Variants in DTWD2 observed in about 807,000 individuals in gnomAD.
The protein encoded by DTWD2 is tRNA-uridine aminocarboxypropyltransferase 2.
In DTWD2, 39 loss-of-function variants were observed where a neutral mutation model predicts 31.8. The observed-to-expected ratio is 1.22, with a 90% CI of 0.95 to 1.60. DTWD2 has a LOEUF of 1.60. Ranked by LOEUF, DTWD2 falls within the 40% of genes most tolerant of loss-of-function variation. The pLI is 0.00. For synonymous variants in DTWD2, 180 were observed against 142.8 expected (o/e 1.26, Z -1.86); for missense variants, 515 against 381.5 (o/e 1.35, Z -2.92).
At chr5:118,889,081 G>A (rs1214704362) in intron 4 of DTWD2, among the ~76,000 whole-genome samples, 3 of 152,108 alleles carry the variant, frequency 2.0e-5, no homozygotes, top group African/African-American at 4.8e-5. Context: ...TGTGTCTTTC[G>A]AAGAGATTTT....
At chr5:118,878,511 C>A (rs1197120864) in intron 4 of DTWD2, among the ~76,000 whole-genome samples, 1 of 152,076 alleles carries the variant, frequency 6.6e-6, no homozygotes, top group African/African-American at 2.4e-5. Context: ...AAAATTAACT[C>A]AAGATGAATT....
At chr5:118,943,135 G>A (rs1482950708) in intron 2 of DTWD2, among the ~76,000 whole-genome samples, 1 of 152,138 alleles carries the variant, frequency 6.6e-6, no homozygotes, top group Non-Finnish European at 1.5e-5. Context: ...AAATTGCTGT[G>A]GCCGGCAAGC....
intron 4 of DTWD2, among the ~76,000 whole-genome samples, chr5:118,872,989 C>T (rs1752540691): frequency 6.6e-6 from 1 of 152,120 alleles, no homozygotes; most frequent in Non-Finnish European, 1.5e-5. Context: ...AAGACAGGAA[C>T]ACTGAAAACA....
intron 4 of DTWD2, among the ~76,000 whole-genome samples, chr5:118,879,855 T>C (rs375891085): frequency 1.3e-5 from 2 of 152,036 alleles, no homozygotes; most frequent in East Asian, 3.9e-4. Flanking sequence ...TAATGAATAC[T>C]AGGATTAATA....
chr5:118,912,176 G>GT (rs1448157772), intron 4 of DTWD2, among the ~76,000 whole-genome samples: 2 of 152,144 alleles, frequency 1.3e-5, no homozygotes, highest in Non-Finnish European at 2.9e-5. Context: ...AAATGTAATT[G>GT]TTTTGATTTG....
chr5:118,974,117 G>A, intron 1 of DTWD2: 27 of 1,585,688 alleles, frequency 1.7e-5, no homozygotes, highest in Non-Finnish European at 2.3e-5. Flanking sequence ...GACCGACGAG[G>A]ATGACTAGAC....
chr5:118,947,149 T>C (rs1754356392), intron 1 of DTWD2, among the ~76,000 whole-genome samples: 1 of 152,130 alleles, frequency 6.6e-6, no homozygotes, highest in Non-Finnish European at 1.5e-5. Flanking sequence ...GAGCTAGCAC[T>C]GTTGGGTGCC....
intron 4 of DTWD2, among the ~76,000 whole-genome samples, chr5:118,897,703 C>T (rs1753113753): frequency 6.6e-6 from 1 of 152,190 alleles, no homozygotes; most frequent in African/African-American, 2.4e-5. Context: ...ATACAAACCA[C>T]TGGCCAGACC....
intron 4 of DTWD2, among the ~76,000 whole-genome samples, chr5:118,927,668 T>C (rs1283863882): frequency 6.6e-6 from 1 of 152,090 alleles, no homozygotes; most frequent in African/African-American, 2.4e-5. Flanking sequence ...AATATAAAAG[T>C]TATTAAAAAC....
rs144768251 is a variant in DTWD2 at position 118,857,378 on chromosome 5, T to A, written c.598-9160A>T. The stretch of plus-strand genomic sequence containing the variant: ...TATTTTACAAAATGAAAATTTTTAC[T>A]TTGGCCATATGTTGGGGGTTTTTTG... On this transcript the variant is annotated intron_variant, in intron 4 of 5. Coordinates refer to ENST00000510708, the MANE Select transcript of DTWD2 (RefSeq NM_173666.4). 3.0e-3 allele frequency among the ~76,000 whole-genome samples: 461 copies of A among 152,352 alleles called. 2 individuals carry two copies. The highest frequency in any genetic ancestry group is 0.011 in the African/African-American group (441 of 41,590).
chr5:118,942,858 A>T (rs1393383775), intron 2 of DTWD2, among the ~76,000 whole-genome samples: 1 of 152,046 alleles, frequency 6.6e-6, no homozygotes, highest in African/African-American at 2.4e-5. Flanking sequence ...GCTAGAGTGC[A>T]ATGTCACAAT....
rs1754800454 is a variant in DTWD2, at chr5:118,965,009, G to T, written c.219-20360C>A. ...TACGAAGTGAGGAGCATCTCTGCCC[G>T]GCCGCCCATCGTCTGAGATGTGGGG... On this transcript the variant is annotated intron_variant, in intron 1 of 5. Coordinates refer to ENST00000510708, the MANE Select transcript of DTWD2 (RefSeq NM_173666.4). 2.0e-5 allele frequency among the ~76,000 whole-genome samples: 3 copies of T among 151,212 alleles called. No individual in the cohort carries two copies. The South Asian group carries it at 6.3e-4, about 32-fold the overall frequency.
intron 1 of DTWD2, among the ~76,000 whole-genome samples, chr5:118,978,154 G>A (rs1561480332): frequency 2.0e-5 from 3 of 151,300 alleles, no homozygotes; most frequent in African/African-American, 7.3e-5. Flanking sequence ...GGTGCTGGGA[G>A]AACTGGCTAG....
chr5:118,981,360 G>A (rs1235162199), intron 1 of DTWD2, among the ~76,000 whole-genome samples: 1 of 152,048 alleles, frequency 6.6e-6, no homozygotes, highest in Non-Finnish European at 1.5e-5. Flanking sequence ...TTATGCAAAT[G>A]TTACCACAAT....
chr5:118,895,851 T>C (rs904424913), intron 4 of DTWD2, among the ~76,000 whole-genome samples: 2 of 152,120 alleles, frequency 1.3e-5, no homozygotes, highest in East Asian at 3.8e-4. Flanking sequence ...TATTTTTCAC[T>C]ATACTACCAA....
At chr5:118,941,033 T>C (rs17381247) in intron 2 of DTWD2, among the ~76,000 whole-genome samples, 2 of 152,086 alleles carry the variant, frequency 1.3e-5, no homozygotes, top group East Asian at 1.9e-4. Context: ...ACCTACTCTT[T>C]GAAATGCTCC....
chr5:118,983,405 T>A (rs1328751714), intron 1 of DTWD2, among the ~76,000 whole-genome samples: 1 of 152,190 alleles, frequency 6.6e-6, no homozygotes, highest in African/African-American at 2.4e-5. Context: ...ATTTAAAAGC[T>A]GATAAAACAC....
In DTWD2 at chr5:118,837,194, GA is replaced by G. The variant is rs1561418658; in HGVS notation, c.*3722del. The G allele has an allele frequency of 1.3e-5, 2 of 152,140 alleles. No homozygotes were observed. Among genetic ancestry groups the G allele is most frequent in the African/African-American group, 2.4e-5 (1 of 41,448 alleles). 9.4% of individuals were successfully genotyped at this position (152,140 alleles called of 1,614,324 possible). A position where few individuals can be genotyped will look rare whatever the true frequency, so the allele number is the denominator to read the frequency against. Reference sequence around the variant, plus strand: ...GGGAAGGAGGAAGAAAGTGTGAAGAGAAAAGAGAGAGAATATGCTTTAAGTT... The same window carrying G: ...GGGAAGGAGGAAGAAAGTGTGAAGAGAAAGAGAGAGAATATGCTTTAAGTT... On this transcript the variant is annotated 3_prime_UTR_variant, in exon 6 of 6. Coordinates refer to ENST00000510708, the MANE Select transcript of DTWD2 (RefSeq NM_173666.4).
rs550179256 is a variant in DTWD2 at position 118,974,883 on chromosome 5, T to C, written c.218+13411A>G. On this transcript the variant is annotated intron_variant, in intron 1 of 5. Transcript: ENST00000510708. Reference sequence around the variant, plus strand: ...CTCTTCTGGCTTGTAGAGTTTCTGCTGAGAGATCTGCTGTTAGTCTGATAG... The same window carrying C: ...CTCTTCTGGCTTGTAGAGTTTCTGCCGAGAGATCTGCTGTTAGTCTGATAG... 1.1e-3 allele frequency among the ~76,000 whole-genome samples: 160 copies of C among 152,348 alleles called. 1 individual carries two copies. The highest frequency in any genetic ancestry group is 1.7e-3 in the Non-Finnish European group (118 of 68,032).
Sources: gnomAD v4.1 joint callset for allele counts (sites outside exome capture counted in the v4.1 genomes callset) on GRCh38, gnomAD v4.1.1 for gene constraint, MANE v1.5 for transcripts, NCBI Gene and HGNC (gene_info 2026-07-23, HGNC 2026-07-21) for gene names.